The following LINGO1 variants were observed in gnomAD, a reference collection of about 807,000 sequenced individuals.
The protein encoded by LINGO1 is leucine-rich repeat and immunoglobulin-like domain-containing nogo receptor-interacting protein 1.
A neutral mutation model predicts 37.3 loss-of-function variants in LINGO1; 11 were observed. That is an observed-to-expected ratio of 0.29 (90% confidence interval 0.19 to 0.49). The LOEUF (loss-of-function observed/expected upper bound fraction) is 0.49. Ranked by LOEUF, LINGO1 falls within the 20% of genes least tolerant of loss-of-function variation. The pLI is 0.99. For synonymous variants in LINGO1, 387 were observed against 403.0 expected (o/e 0.96, Z 0.48); for missense variants, 585 against 878.2 (o/e 0.67, Z 4.22).
chr15:77,748,893 T>TATTTA (rs2076341804), intron 1 of LINGO1, among the ~76,000 whole-genome samples: 1 of 136,742 alleles, frequency 7.3e-6, no homozygotes, highest in Non-Finnish European at 1.5e-5. Context: ...TTTATTTATT[T>TATTTA]TCCTTCCTTC....
In LINGO1 at chr15:77,748,853, G is replaced by C. The variant is rs557229814; in HGVS notation, c.-256-13800C>G. Among the ~76,000 whole-genome samples, 201 of 130,374 alleles carry C rather than the reference G, an allele frequency of 1.5e-3. 2 individuals are homozygous for C. The highest frequency in any genetic ancestry group is 6.1e-3 in the African/African-American group (197 of 32,252). The allele number at this position is 130,374 out of a possible 152,430, so 85.5% of individuals were successfully genotyped here. On this transcript the variant is annotated intron_variant, in intron 1 of 3. Transcript: ENST00000561686. ...CAAGAGCCACAGTGACTGGCCCCTA[G>C]CCTTATTTATTTATTTATTTATTTA... is the stretch of plus-strand genomic sequence containing the variant.
At chr15:77,766,953 T>C (rs979746614) in intron 1 of LINGO1, among the ~76,000 whole-genome samples, 1 of 126,440 alleles carries the variant, frequency 7.9e-6, no homozygotes. Flanking sequence ...GAGAAGATTT[T>C]TTAAAAAAGT....
At chr15:77,667,604 C>T (rs991323842) in intron 3 of LINGO1, 2 of 152,258 alleles carry the variant, frequency 1.3e-5, no homozygotes, top group Non-Finnish European at 2.9e-5. Context: ...ATCCCACCAT[C>T]AGCCTTGTCA....
intron 2 of LINGO1, among the ~76,000 whole-genome samples, chr15:77,732,431 G>A (rs1447502649): frequency 6.6e-6 from 1 of 152,264 alleles, no homozygotes; most frequent in East Asian, 1.9e-4. Context: ...TAGAAATGAA[G>A]GTAGCGCTAG....
intron 3 of LINGO1, among the ~76,000 whole-genome samples, chr15:77,654,014 T>C (rs1348731885): frequency 1.3e-5 from 2 of 152,192 alleles, no homozygotes; most frequent in African/African-American, 4.8e-5. Context: ...CCTTTAACAT[T>C]AGGTATGGCC....
intron 1 of LINGO1, among the ~76,000 whole-genome samples, chr15:77,814,108 C>G (rs1408075717): frequency 6.6e-6 from 1 of 152,178 alleles, no homozygotes; most frequent in Non-Finnish European, 1.5e-5. Flanking sequence ...GCTACCAGTC[C>G]ATGACAGCCT....
chr15:77,714,690 G>A (rs2075962180), intron 2 of LINGO1, among the ~76,000 whole-genome samples: 1 of 152,234 alleles, frequency 6.6e-6, no homozygotes, highest in Non-Finnish European at 1.5e-5. Flanking sequence ...TGTCTGTGGA[G>A]TGAATGGGTG....
intron 1 of LINGO1, among the ~76,000 whole-genome samples, chr15:77,813,634 G>C (rs1183198591): frequency 6.6e-6 from 1 of 152,194 alleles, no homozygotes; most frequent in Non-Finnish European, 1.5e-5. Flanking sequence ...CCCAAACAGT[G>C]ATACGTTGAA....
At chr15:77,706,656 T>C (rs1446111421) in intron 2 of LINGO1, among the ~76,000 whole-genome samples, 1 of 152,214 alleles carries the variant, frequency 6.6e-6, no homozygotes, top group Non-Finnish European at 1.5e-5. Context: ...GATAATGGGA[T>C]AAGACGCCTC....
intron 2 of LINGO1, among the ~76,000 whole-genome samples, chr15:77,689,530 C>G (rs1395506790): frequency 6.6e-6 from 1 of 152,220 alleles, no homozygotes. Flanking sequence ...CTGGGCCATC[C>G]AGGCCCTCCC....
chr15:77,704,002 G>C (rs2075817458), intron 2 of LINGO1, among the ~76,000 whole-genome samples: 1 of 152,202 alleles, frequency 6.6e-6, no homozygotes, highest in African/African-American at 2.4e-5. Context: ...AAAGGGACAA[G>C]GAGTTTGAGT....
At chr15:77,658,076 C>A (rs1416404864) in intron 3 of LINGO1, among the ~76,000 whole-genome samples, 2 of 152,170 alleles carry the variant, frequency 1.3e-5, no homozygotes, top group Non-Finnish European at 2.9e-5. Context: ...GGGGTCTGGA[C>A]CAACGGCCTG....
chr15:77,743,184 C>T (rs1007032857), intron 1 of LINGO1, among the ~76,000 whole-genome samples: 7 of 152,148 alleles, frequency 4.6e-5, no homozygotes, highest in Admixed American at 2.0e-4. Context: ...CCAGGAGGGC[C>T]TCACTGAGGA....
intron 3 of LINGO1, chr15:77,648,490 A>G (rs2141131617): frequency 6.5e-6 from 1 of 153,092 alleles, no homozygotes; most frequent in African/African-American, 2.4e-5. Context: ...ACATTTATCC[A>G]TGTTCTTACT....
At chr15:77,716,048 G>A (rs778184670) in intron 2 of LINGO1, among the ~76,000 whole-genome samples, 100 of 152,174 alleles carry the variant, frequency 6.6e-4, no homozygotes, top group Middle Eastern at 3.2e-3. Context: ...CTTAACAGGC[G>A]ACCAGCTCAT....
chr15:77,761,260 A>G (rs1293983349), intron 1 of LINGO1, among the ~76,000 whole-genome samples: 2 of 152,056 alleles, frequency 1.3e-5, no homozygotes, highest in African/African-American at 4.8e-5. Flanking sequence ...ACATCTTTCT[A>G]TTAAACCAAA....
At chr15:77,666,470 G>T (rs1333454628) in intron 3 of LINGO1, among the ~76,000 whole-genome samples, 2 of 152,200 alleles carry the variant, frequency 1.3e-5, no homozygotes, top group East Asian at 3.8e-4. Context: ...GCCGGCACTG[G>T]GTGAGGGGCT....
intron 1 of LINGO1, among the ~76,000 whole-genome samples, chr15:77,753,942 CCA>C (rs2076395081): frequency 6.6e-6 from 1 of 152,230 alleles, no homozygotes; most frequent in African/African-American, 2.4e-5. Context: ...CTTCCCACTT[CCA>C]GTGAGTGAGA....
rs1022371568 is a variant in LINGO1 at position 77,766,026 on chromosome 15, G to A, written c.-257+20843C>T. 4.6e-5 allele frequency among the ~76,000 whole-genome samples: 7 copies of A among 152,174 alleles called. No individual in the cohort carries two copies. The South Asian group carries it at 1.5e-3, about 32-fold the overall frequency. ...GCTAGAGAATGGAGCTGGCACATAG[G>A]TGGTACTCAATAAATGTTTGCTAAG... is the stretch of plus-strand genomic sequence containing the variant. On this transcript the variant is annotated intron_variant, in intron 1 of 3. Coordinates refer to the LINGO1 transcript ENST00000561686.
Sources: gnomAD v4.1 joint callset for allele counts (sites outside exome capture counted in the v4.1 genomes callset) on GRCh38, gnomAD v4.1.1 for gene constraint, MANE v1.5 for transcripts, NCBI Gene and HGNC (gene_info 2026-07-23, HGNC 2026-07-21) for gene names.